KAZN: variants seen among roughly 807,000 people sequenced by gnomAD.
KAZN encodes kazrin, periplakin interacting protein.
In KAZN, 40 loss-of-function variants were observed where a neutral mutation model predicts 87.4. The observed-to-expected ratio is 0.46, with a 90% CI of 0.36 to 0.60. The LOEUF (loss-of-function observed/expected upper bound fraction) is 0.60. Among genes scored for constraint, KAZN ranks in the 20% least tolerant of loss-of-function variants. KAZN has a pLI of 0.00. For synonymous variants in KAZN, 466 were observed against 458.3 expected, an observed-to-expected ratio of 1.02 and a Z score of -0.22; for missense variants, 898 against 1,073.9, an observed-to-expected ratio of 0.84 and a Z score of 2.29.
chr1:14,731,076 T>C (rs146833057), intron 1 of KAZN, among the ~76,000 whole-genome samples: 1 of 152,328 alleles, frequency 6.6e-6, no homozygotes, highest in African/African-American at 2.4e-5. Context: ...TTCTTAACAA[T>C]TTCACTTACA....
intron 2 of KAZN, among the ~76,000 whole-genome samples, chr1:14,441,231 T>C (rs965244875): frequency 2.0e-5 from 3 of 151,612 alleles, no homozygotes; most frequent in African/African-American, 7.3e-5. Context: ...TTTTCAAGTC[T>C]ATCTTCTGAA....
chr1:14,145,586 C>CTT (rs535021922), intron 1 of KAZN, among the ~76,000 whole-genome samples: 10 of 145,802 alleles, frequency 6.9e-5, no homozygotes, highest in Admixed American at 4.8e-4. Flanking sequence ...GACAGTATAC[C>CTT]TTTTTTTTTT....
At chr1:13,985,202 A>G (rs1463348980) in intron 1 of KAZN, among the ~76,000 whole-genome samples, 3 of 151,990 alleles carry the variant, frequency 2.0e-5, no homozygotes, top group East Asian at 1.9e-4. Flanking sequence ...ATAAAGCTGA[A>G]TTTTTTTAAA....
At chr1:14,284,450 G>T (rs910289279) in intron 2 of KAZN, among the ~76,000 whole-genome samples, 1 of 151,266 alleles carries the variant, frequency 6.6e-6, no homozygotes. Flanking sequence ...GGTGAGCCCC[G>T]GGTTCCAAAA....
intron 1 of KAZN, among the ~76,000 whole-genome samples, chr1:14,706,481 A>G (rs191432104): frequency 1.8e-4 from 27 of 152,106 alleles, no homozygotes; most frequent in Admixed American, 1.5e-3. Context: ...AAGACATTGA[A>G]TGTTCCCAAC....
At chr1:14,565,860 T>C (rs1452247302) in intron 2 of KAZN, among the ~76,000 whole-genome samples, 2 of 152,214 alleles carry the variant, frequency 1.3e-5, no homozygotes, top group African/African-American at 2.4e-5. Context: ...CCACTTCTAA[T>C]TGTAGCTCTC....
chr1:14,371,972 G>A (rs781540869), intron 2 of KAZN, among the ~76,000 whole-genome samples: 1 of 152,228 alleles, frequency 6.6e-6, no homozygotes, highest in African/African-American at 2.4e-5. Flanking sequence ...AAGGAAACTG[G>A]CAGAGAATCT....
At chr1:14,597,510 T>C (rs1676587977), upstream of KAZN, among the ~76,000 whole-genome samples, 1 of 152,180 alleles carries the variant, frequency 6.6e-6, no homozygotes, top group South Asian at 2.1e-4. Context: ...AGCCTCAGTT[T>C]CCTTATCCCT....
chr1:14,582,808 A>G (rs1675634415), intron 2 of KAZN, among the ~76,000 whole-genome samples: 1 of 152,236 alleles, frequency 6.6e-6, no homozygotes, highest in Non-Finnish European at 1.5e-5. Context: ...TATTATGTGA[A>G]GTTAAAAGAA....
intron 2 of KAZN, among the ~76,000 whole-genome samples, chr1:14,190,981 C>A (rs183089747): frequency 3.9e-5 from 6 of 152,232 alleles, no homozygotes; most frequent in South Asian, 4.1e-4. Context: ...GAAAGGGGAG[C>A]TGGAAAGTGG....
chr1:14,417,281 G>A (rs1296909836), intron 2 of KAZN, among the ~76,000 whole-genome samples: 2 of 152,132 alleles, frequency 1.3e-5, no homozygotes, highest in Non-Finnish European at 2.9e-5. Context: ...CATTAAGAAG[G>A]GCAATTTTTA....
chr1:14,907,488 AGG>A (rs1656734272), intron 1 of KAZN, among the ~76,000 whole-genome samples: 1 of 151,782 alleles, frequency 6.6e-6, no homozygotes, highest in African/African-American at 2.4e-5. Context: ...CAAGATCTCC[AGG>A]AGATGATTGT....
chr1:14,604,447 A>G (rs1395387129), intron 1 of KAZN, among the ~76,000 whole-genome samples: 1 of 152,166 alleles, frequency 6.6e-6, no homozygotes, highest in Non-Finnish European at 1.5e-5. Context: ...AGAAGCTGGA[A>G]GAAGATCAGG....
intron 1 of KAZN, among the ~76,000 whole-genome samples, chr1:14,812,053 A>C (rs1646426821): frequency 6.6e-6 from 1 of 152,090 alleles, no homozygotes; most frequent in Admixed American, 6.5e-5. Context: ...GCCAGAGCAG[A>C]ACTGCTTAAG....
chr1:14,810,826 C>T (rs905983842), intron 1 of KAZN, among the ~76,000 whole-genome samples: 1 of 152,278 alleles, frequency 6.6e-6, no homozygotes, highest in South Asian at 2.1e-4. Flanking sequence ...ACCAGCCTCC[C>T]AGGGTGGGGA....
At chr1:14,320,353 T>C (rs1269990019) in intron 2 of KAZN, among the ~76,000 whole-genome samples, 1 of 152,142 alleles carries the variant, frequency 6.6e-6, no homozygotes, top group East Asian at 1.9e-4. Context: ...TTATAATCTA[T>C]ATTTTATTTA....
intron 2 of KAZN, among the ~76,000 whole-genome samples, chr1:14,450,122 C>G (rs553566977): frequency 2.0e-5 from 3 of 150,256 alleles, no homozygotes; most frequent in South Asian, 4.3e-4. Context: ...AGAGTGCTGC[C>G]CCCCCGCCTG....
rs536603976 is a variant in KAZN, at chr1:14,823,296, C to T, written c.227-137388C>T. On this transcript the variant is annotated intron_variant, in intron 1 of 14. Transcript: ENST00000376030. ...CCCGTGAAGTCATGCAGGACAAACACGCGGCTTAGGGGCATCTCTGGGAGG... is the reference window on the plus strand; with the variant it reads ...CCCGTGAAGTCATGCAGGACAAACATGCGGCTTAGGGGCATCTCTGGGAGG... Among the ~76,000 whole-genome samples the T allele has an allele frequency of 3.3e-5, 5 of 152,050 alleles. No homozygotes were observed. In the East Asian group the frequency reaches 9.7e-4, roughly 30 times the overall value.
At chr1:14,999,517 T>TCCCCCCC (rs1557701638) in intron 2 of KAZN, among the ~76,000 whole-genome samples, 8 of 80,990 alleles carry the variant, frequency 9.9e-5, no homozygotes, top group African/African-American at 4.0e-4. Context: ...CGCCCCGCCA[T>TCCCCCCC]CCAGACCTTG....
Sources: allele counts gnomAD v4.1 joint callset (sites outside exome capture counted in the v4.1 genomes callset), GRCh38; gene constraint gnomAD v4.1.1; transcripts MANE v1.5; gene names NCBI Gene and HGNC (gene_info 2026-07-23, HGNC 2026-07-21).